Variants in MMP16 observed in about 807,000 individuals in gnomAD.
The protein encoded by MMP16 is matrix metallopeptidase 16.
MMP16 carries 12 observed loss-of-function variants against 67.8 expected under a neutral mutation model. That is an observed-to-expected ratio of 0.18 (90% confidence interval 0.11 to 0.29). The LOEUF (loss-of-function observed/expected upper bound fraction) is 0.29. Among genes scored for constraint, MMP16 ranks in the 10% least tolerant of loss-of-function variants. MMP16 has a pLI of 1.00. For missense variants in MMP16, 475 were observed against 765.7 expected, an observed-to-expected ratio of 0.62 and a Z score of 4.48; for synonymous variants, 249 against 255.9, an observed-to-expected ratio of 0.97 and a Z score of 0.26.
chr8:88,174,755 T>G (rs1016442213), intron 3 of MMP16, among the ~76,000 whole-genome samples: 1 of 149,958 alleles, frequency 6.7e-6, no homozygotes, highest in African/African-American at 2.5e-5. Context: ...ACATTTTGAC[T>G]GCTTTTTTTT....
intron 1 of MMP16, among the ~76,000 whole-genome samples, chr8:88,286,995 A>G (rs141744350): frequency 2.3e-4 from 35 of 152,280 alleles, no homozygotes; most frequent in African/African-American, 7.9e-4. Context: ...TGCAATAGCC[A>G]TCTACATCTG....
chr8:88,170,782 G>C (rs1808787538), intron 3 of MMP16, among the ~76,000 whole-genome samples: 1 of 152,102 alleles, frequency 6.6e-6, no homozygotes, highest in Non-Finnish European at 1.5e-5. Flanking sequence ...AAACAAACAT[G>C]GCCAGTTCAA....
chr8:88,163,810 T>C (rs1432659164), intron 4 of MMP16, among the ~76,000 whole-genome samples: 1 of 152,224 alleles, frequency 6.6e-6, no homozygotes, highest in African/African-American at 2.4e-5. Context: ...ACCACTATCA[T>C]GATACATATT....
At chr8:88,061,680 T>G (rs1464389052) in intron 7 of MMP16, among the ~76,000 whole-genome samples, 1 of 152,040 alleles carries the variant, frequency 6.6e-6, no homozygotes, top group Non-Finnish European at 1.5e-5. Flanking sequence ...TAGAGGATAA[T>G]GTGTGAAAAA....
At chr8:88,183,771 A>G (rs960202501) in intron 3 of MMP16, among the ~76,000 whole-genome samples, 3 of 127,994 alleles carry the variant, frequency 2.3e-5, no homozygotes, top group East Asian at 2.4e-4. Flanking sequence ...GCTGGAGTGC[A>G]ATGGCGCGAT....
At chr8:88,241,687 T>G (rs1179345795) in intron 1 of MMP16, among the ~76,000 whole-genome samples, 1 of 152,128 alleles carries the variant, frequency 6.6e-6, no homozygotes, top group Admixed American at 6.5e-5. Context: ...TCTCATGTAC[T>G]TATCACTTTT....
At chr8:88,055,511 C>T (rs538991382) in intron 8 of MMP16, among the ~76,000 whole-genome samples, 2 of 152,218 alleles carry the variant, frequency 1.3e-5, no homozygotes, top group African/African-American at 4.8e-5. Flanking sequence ...CCCAGCCTTA[C>T]TGTAAGTTTT....
At chr8:88,146,688 C>T (rs564214673) in intron 4 of MMP16, among the ~76,000 whole-genome samples, 7 of 151,606 alleles carry the variant, frequency 4.6e-5, no homozygotes, top group Non-Finnish European at 1.0e-4. Context: ...AATGATACTT[C>T]TTTTTTTGGC....
intron 4 of MMP16, among the ~76,000 whole-genome samples, chr8:88,150,860 C>A (rs1264457203): frequency 6.8e-5 from 10 of 145,996 alleles, no homozygotes; most frequent in African/African-American, 2.5e-4. Flanking sequence ...TCACACATAA[C>A]AATATTAACT....
chr8:88,118,860 T>A lies in MMP16; in HGVS notation c.711A>T (p.Gly237=). 1 of 1,612,316 alleles carries A rather than the reference T, an allele frequency of 6.2e-7. No individual in the cohort carries two copies. Among genetic ancestry groups the A allele is most frequent in the Middle Eastern group, 1.7e-4 (1 of 6,048 alleles). The change falls in exon 5 of 10, where the codon GGA becomes GGT. Residue 237 remains glycine, a splice_region_variant and synonymous_variant. Coordinates refer to ENST00000286614, the MANE Select transcript of MMP16 (RefSeq NM_005941.5). ...PWTLGNPNHD[G]NDLFLVAVHE... ...GGACTGCTACAAGAAATAAGTCATT[T>A]CCTGTGTGAACAAGAAGAAAATAAG... is the stretch of plus-strand genomic sequence containing the variant.
chr8:88,190,370 T>G (rs62524469), intron 2 of MMP16, among the ~76,000 whole-genome samples: 22,046 of 152,172 alleles, frequency 0.14, 2,088 homozygotes, highest in Middle Eastern at 0.23. Context: ...TCTTCAGGCT[T>G]TTGTATGTGA....
intron 1 of MMP16, among the ~76,000 whole-genome samples, chr8:88,280,652 A>C (rs1810718655): frequency 6.6e-6 from 1 of 152,184 alleles, no homozygotes; most frequent in Non-Finnish European, 1.5e-5. Flanking sequence ...GCACTTTGGG[A>C]GGCCAAGGTG....
At chr8:88,286,806 C>T (rs917345415) in intron 1 of MMP16, among the ~76,000 whole-genome samples, 145 of 151,924 alleles carry the variant, frequency 9.5e-4, no homozygotes, top group African/African-American at 2.9e-3. Flanking sequence ...CTCCTGACCT[C>T]GTGATCTGCC....
chr8:88,261,772 T>TACAC (rs1475874060), intron 1 of MMP16, among the ~76,000 whole-genome samples: 31,507 of 149,630 alleles, frequency 0.21, 3,775 homozygotes, highest in African/African-American at 0.33. Flanking sequence ...TATGTACATG[T>TACAC]ACACACACAC....
chr8:88,163,022 C>T (rs58042071), intron 4 of MMP16, among the ~76,000 whole-genome samples: 12,480 of 152,088 alleles, frequency 0.082, 551 homozygotes, highest in African/African-American at 0.11. Flanking sequence ...TTTTGTAGGC[C>T]TCTAAGAAAC....
chr8:88,277,316 T>G (rs544908851), intron 1 of MMP16, among the ~76,000 whole-genome samples: 5 of 152,322 alleles, frequency 3.3e-5, no homozygotes, highest in Admixed American at 6.5e-5. Context: ...GTGTATCTTC[T>G]TCAAATCCCT....
At chr8:88,287,430 A>G (rs1371984326) in intron 1 of MMP16, among the ~76,000 whole-genome samples, 1 of 152,234 alleles carries the variant, frequency 6.6e-6, no homozygotes, top group South Asian at 2.1e-4. Flanking sequence ...GATCAAAGTT[A>G]TGAGTTTTCA....
At chr8:88,092,405 TCC>T (rs1808953504) in intron 6 of MMP16, among the ~76,000 whole-genome samples, 1 of 151,930 alleles carries the variant, frequency 6.6e-6, no homozygotes, top group Non-Finnish European at 1.5e-5. Context: ...TACAGTATCT[TCC>T]TTTCCACATA....
At chr8:88,226,489 T>C (rs1204138960) in intron 1 of MMP16, among the ~76,000 whole-genome samples, 1 of 152,102 alleles carries the variant, frequency 6.6e-6, no homozygotes, top group African/African-American at 2.4e-5. Context: ...ACCTTTTAAC[T>C]GTAGAAGACT....
Sources: allele counts gnomAD v4.1 joint callset (sites outside exome capture counted in the v4.1 genomes callset), GRCh38; gene constraint gnomAD v4.1.1; transcripts MANE v1.5; gene names NCBI Gene and HGNC (gene_info 2026-07-23, HGNC 2026-07-21).